PRPF39: variants seen among roughly 807,000 people sequenced by gnomAD.
PRPF39 encodes the protein pre-mRNA-processing factor 39.
In PRPF39, 27 loss-of-function variants were observed where a neutral mutation model predicts 82.1. The observed-to-expected ratio is 0.33, with a 90% CI of 0.24 to 0.45. The LOEUF (loss-of-function observed/expected upper bound fraction) is 0.45. Ranked by LOEUF, PRPF39 falls within the 20% of genes least tolerant of loss-of-function variation. The pLI is 1.00. For synonymous variants in PRPF39, 261 were observed against 256.4 expected (o/e 1.02, Z -0.17); for missense variants, 581 against 796.9 (o/e 0.73, Z 3.26).
Position 45,095,583 on chromosome 14 carries a change from G to A in PRPF39, c.324+20G>A, listed in dbSNP as rs1008203651. On this transcript the variant is annotated intron_variant, in intron 2 of 13. Transcript: ENST00000355765. ...CAGGAGGTTAGTAACTATTAAAATG[G>A]TATCAGAAGGGACAAATTAATCAAG... is the stretch of plus-strand genomic sequence containing the variant. 1.3e-6 allele frequency: 2 copies of A among 1,543,292 alleles called. No individual in the cohort carries two copies. Among genetic ancestry groups the A allele is most frequent in the South Asian group, 2.4e-5 (2 of 81,984 alleles).
chr14:45,086,085 A>G (rs1021885048), intron 1 of PRPF39, among the ~76,000 whole-genome samples: 5 of 152,126 alleles, frequency 3.3e-5, no homozygotes, highest in African/African-American at 1.2e-4. Flanking sequence ...CTGGGATTAC[A>G]GATGCGCGCC....
Position 45,115,866 on chromosome 14 carries a change from CAAT to C in PRPF39, c.*958_*960del. On this transcript the variant is annotated 3_prime_UTR_variant, in exon 14 of 14. Transcript: ENST00000355765. ...CTTAGTTCCAATTCCCTAATCAGAA[CAAT>C]AATATATTAACACCAAACAAATCAC... is the stretch of plus-strand genomic sequence containing the variant. 4.9e-6 allele frequency: 1 copy of C among 205,604 alleles called. No homozygotes were observed. Among genetic ancestry groups the C allele is most frequent in the East Asian group, 9.9e-5 (1 of 10,142 alleles). The allele number at this position is 205,604 out of a possible 1,614,324, so 12.7% of individuals were successfully genotyped here.
At chr14:45,102,451 A>G (rs1343790742) in intron 4 of PRPF39, 78 bp from the exon 5 acceptor site, 8 of 1,257,512 alleles carry the variant, frequency 6.4e-6, no homozygotes, top group South Asian at 1.7e-5. Flanking sequence ...AGTTAGCATT[A>G]TCTTCTAAAT....
In PRPF39 at chr14:45,096,519, C is replaced by T. The variant is rs539271014; in HGVS notation, c.450+291C>T. ...TAGGGCAGGGCTTTTCTCTCACTTA[C>T]ATTTATTTCTCATTTTCCAAACAAT... On this transcript the variant is annotated intron_variant, in intron 3 of 13. Coordinates refer to ENST00000355765, the MANE Select transcript of PRPF39 (RefSeq NM_017922.4). The T allele has an allele frequency of 1.5e-5, 21 of 1,435,210 alleles. No individual in the cohort carries two copies. In the South Asian group the frequency reaches 2.1e-4, roughly 14 times the overall value. The allele number at this position is 1,435,210 out of a possible 1,614,324, so 88.9% of individuals were successfully genotyped here.
intron 1 of PRPF39, among the ~76,000 whole-genome samples, chr14:45,089,200 C>T (rs184184784): frequency 7.2e-5 from 11 of 152,280 alleles, no homozygotes; most frequent in Admixed American, 3.3e-4. Context: ...CTTTCCCCTA[C>T]GTTTTCTTCT....
Position 45,112,418 on chromosome 14 carries a change from A to G in PRPF39, c.1673A>G (p.His558Arg), listed in dbSNP as rs1451835909. ...CTAAATTGTTTTGACAAAGCTGTAC[A>G]TGGTTCATTACCTATTAAAATGAGA... ...NILNCFDKAV[H>R]GSLPIKMRIT... is the part of the protein sequence containing the mutation. The change falls in exon 11 of 14, where the codon CAT (histidine) becomes CGT (arginine). Residue 558 changes from histidine to arginine, a missense_variant. His to Arg is a conservative substitution (Grantham distance 29). Transcript: ENST00000355765. 1.3e-6 allele frequency: 2 copies of G among 1,571,598 alleles called. No homozygotes were observed. The highest frequency in any genetic ancestry group is 1.4e-5 in the African/African-American group (1 of 72,178).
chr14:45,114,836 A>C, intron 13 of PRPF39, 21 bp from the exon 14 acceptor site: 23 of 1,568,542 alleles, frequency 1.5e-5, no homozygotes, highest in Non-Finnish European at 2.0e-5. Context: ...ATATGCTAAC[A>C]TACTTACTTT....
chr14:45,104,401 C>CT (rs1884463671), intron 5 of PRPF39, among the ~76,000 whole-genome samples: 1 of 152,048 alleles, frequency 6.6e-6, no homozygotes, highest in East Asian at 1.9e-4. Flanking sequence ...ATTCACATGA[C>CT]TAACTGCTTT....
intron 5 of PRPF39, among the ~76,000 whole-genome samples, chr14:45,106,279 G>A (rs1884530201): frequency 6.6e-6 from 1 of 152,158 alleles, no homozygotes; most frequent in South Asian, 2.1e-4. Flanking sequence ...AACCCGGGAG[G>A]TGGAGCTTGC....
At chr14:45,096,657 C>CA (rs1434224218) in intron 3 of PRPF39, 22 of 1,500,430 alleles carry the variant, frequency 1.5e-5, no homozygotes, top group African/African-American at 1.4e-5. Context: ...AGCCTGCCCA[C>CA]ACAACCCGGT....
At chr14:45,099,240 ATGT>A (rs796150310) in intron 4 of PRPF39, among the ~76,000 whole-genome samples, 7 of 152,208 alleles carry the variant, frequency 4.6e-5, no homozygotes, top group African/African-American at 1.4e-4. Flanking sequence ...ATTCTTAGAA[ATGT>A]TATTATTATG....
intron 7 of PRPF39, 41 bp from the exon 8 acceptor site, chr14:45,109,575 T>C (rs373213362): frequency 6.5e-7 from 1 of 1,536,932 alleles, no homozygotes; most frequent in African/African-American, 1.4e-5. Flanking sequence ...ATTTTGGTGA[T>C]ATTGGTTTAC....
chr14:45,109,668 A>AT lies in PRPF39; in HGVS notation c.1064_1065insT (p.Trp356LeufsTer8), dbSNP rs1566698476. 3 of 1,608,126 alleles carry AT rather than the reference A, an allele frequency of 1.9e-6. No homozygotes were observed. Among genetic ancestry groups the AT allele is most frequent in the Admixed American group, 1.7e-5 (1 of 59,234 alleles). On this transcript the variant is annotated frameshift_variant, in exon 8 of 14. Transcript: ENST00000355765. LOFTEE classifies it high-confidence loss of function. ...CCTTTGGAAAAGGCACAACTAAAAA[A>AT]CTGGAAAGAATACTTAGAATTTGAA... is the stretch of plus-strand genomic sequence containing the variant.
chr14:45,092,691 C>G (rs1381622914), intron 1 of PRPF39, among the ~76,000 whole-genome samples: 1 of 151,626 alleles, frequency 6.6e-6, no homozygotes, highest in Non-Finnish European at 1.5e-5. Context: ...CAGAGTTTAC[C>G]CACAAACAAG....
chr14:45,096,996 C>T lies in PRPF39; in HGVS notation c.560C>T (p.Thr187Ile). The part of the protein sequence containing the change: ...LDPGDPETNN[T>I]IRGTFEHAVL... ...CCTGGTGATCCTGAGACAAACAATA[C>T]AATAAGAGGGTATGTGGAACATTGA... Residue 187 changes from threonine to isoleucine, a missense_variant, in exon 4 of 14, where the codon ACA becomes ATA. Transcript: ENST00000355765. 1 of 1,537,256 alleles carries T rather than the reference C, an allele frequency of 6.5e-7. No homozygotes were observed. The highest frequency in any genetic ancestry group is 8.7e-7 in the Non-Finnish European group (1 of 1,143,702).
At chr14:45,095,742 T>C (rs945691224) in intron 2 of PRPF39, 179 bp downstream of exon 2, 14 of 815,948 alleles carry the variant, frequency 1.7e-5, no homozygotes, top group South Asian at 6.0e-5. Context: ...TTGTATGTTG[T>C]AGAGAGTCAG....
intron 1 of PRPF39, among the ~76,000 whole-genome samples, 195 bp from the exon 2 acceptor site, chr14:45,095,026 C>T (rs1347694998): frequency 6.6e-6 from 1 of 152,142 alleles, no homozygotes; most frequent in Non-Finnish European, 1.5e-5. Context: ...AACAAAATGG[C>T]AGTTTTGTGA....
chr14:45,085,045 T>C (rs1883777332), intron 1 of PRPF39, among the ~76,000 whole-genome samples: 1 of 152,128 alleles, frequency 6.6e-6, no homozygotes, highest in African/African-American at 2.4e-5. Context: ...ATTTAATCTG[T>C]TCAGAAATAA....
chr14:45,084,563 T>C (rs530128752), intron 1 of PRPF39, among the ~76,000 whole-genome samples: 3 of 152,232 alleles, frequency 2.0e-5, no homozygotes, highest in South Asian at 4.2e-4. Context: ...CCCTTGCTTC[T>C]CCCGGAGCTG....
Sources: allele counts gnomAD v4.1 joint callset (sites outside exome capture counted in the v4.1 genomes callset), GRCh38; gene constraint gnomAD v4.1.1; transcripts MANE v1.5; gene names NCBI Gene and HGNC (gene_info 2026-07-23, HGNC 2026-07-21).